KATNB1: variants seen among roughly 807,000 people sequenced by gnomAD.
KATNB1 encodes katanin regulatory subunit B1.
A neutral mutation model predicts 82.3 loss-of-function variants in KATNB1; 38 were observed. That is an observed-to-expected ratio of 0.46 (90% CI 0.36 to 0.61). The LOEUF is 0.61. Ranked by LOEUF, KATNB1 falls within the 20% of genes least tolerant of loss-of-function variation. The pLI, the probability that KATNB1 is intolerant of heterozygous loss-of-function variation, is 0.00. For missense variants in KATNB1, 749 were observed against 915.7 expected, an observed-to-expected ratio of 0.82 and a Z score of 2.35; for synonymous variants, 361 against 368.7, an observed-to-expected ratio of 0.98 and a Z score of 0.24.
chr16:57,756,212 G>T, intron 18 of KATNB1, 144 bp from the exon 19 acceptor site: 1 of 1,151,502 alleles, frequency 8.7e-7, no homozygotes, highest in Non-Finnish European at 1.3e-6. Flanking sequence ...CAGTCCGGAG[G>T]TGGGAGTGGA....
Position 57,735,798 on chromosome 16 carries a change from G to A in KATNB1, c.-324G>A, listed in dbSNP as rs1169245881. The stretch of plus-strand genomic sequence containing the variant: ...CAGCGGCCAATCAAGGCAGGGGATG[G>A]AGGCAAGTGGGGGTCGCGCCTGGAG... On this transcript the variant is annotated 5_prime_UTR_variant, in exon 1 of 20. Transcript: ENST00000379661. The A allele has an allele frequency of 6.6e-6, 1 of 152,412 alleles. No individual in the cohort carries two copies. The highest frequency in any genetic ancestry group is 1.9e-4 in the East Asian group (1 of 5,174). 9.4% of individuals were successfully genotyped at this position (152,412 alleles called of 1,614,324 possible). A position where few individuals can be genotyped will look rare whatever the true frequency, so the allele number is the denominator to read the frequency against.
rs199736007 is a variant in KATNB1, at chr16:57,741,641, C to T, written c.41-46C>T. 1.9e-6 allele frequency: 3 copies of T among 1,576,314 alleles called. No homozygotes were observed. The East Asian group carries it at 6.8e-5, about 36-fold the overall frequency. On this transcript the variant is annotated intron_variant, in intron 2 of 19. Transcript: ENST00000379661. ...CAGGGTCACCCCTCCTTCACAAGGCCCCATCGGGCCGCCCTGATGGCCTCT... is the reference window on the plus strand; with the variant it reads ...CAGGGTCACCCCTCCTTCACAAGGCTCCATCGGGCCGCCCTGATGGCCTCT...
At position 57,755,490 on chromosome 16, in the gene KATNB1, T is replaced by C. The variant is rs2148796555; in HGVS notation, c.1562T>C (p.Ile521Thr). The change falls in exon 16 of 20, where the codon ATC becomes ACC. Residue 521 changes from isoleucine to threonine, a missense_variant. By Grantham distance (89) the Ile-to-Thr change is moderately conservative (BLOSUM62 -1). This residue lies in a region of KATNB1 where 407 missense variants were observed against 434.7 expected (regional missense o/e 0.94). Coordinates refer to ENST00000379661, the MANE Select transcript of KATNB1 (RefSeq NM_005886.3). Reference sequence around the variant, plus strand: ...CGGGCTGTGTGGACCATGGGCGACATCAAGGCAAGTGCCCACCCTTGCACA... The same window carrying C: ...CGGGCTGTGTGGACCATGGGCGACACCAAGGCAAGTGCCCACCCTTGCACA... Reference protein sequence around the residue: ...TVRAVWTMGDIKTSVDSAVAI... With the variant: ...TVRAVWTMGDTKTSVDSAVAI... The C allele has an allele frequency of 6.2e-7, 1 of 1,612,410 alleles. No individual in the cohort carries two copies. Among genetic ancestry groups the C allele is most frequent in the African/African-American group, 1.3e-5 (1 of 75,052 alleles).
Position 57,751,567 on chromosome 16 carries a change from T to G in KATNB1, c.433-74T>G. 2 of 1,363,826 alleles carry G rather than the reference T, an allele frequency of 1.5e-6. No homozygotes were observed. Among genetic ancestry groups the G allele is most frequent in the South Asian group, 2.3e-5 (2 of 86,360 alleles). 84.5% of individuals were successfully genotyped at this position (1,363,826 alleles called of 1,614,324 possible). A position where few individuals can be genotyped will look rare whatever the true frequency, so the allele number is the denominator to read the frequency against. On this transcript the variant is annotated intron_variant, in intron 6 of 19. Coordinates refer to ENST00000379661, the MANE Select transcript of KATNB1 (RefSeq NM_005886.3). This position sits in a 1 kb window ranked among gnomAD's most constrained non-coding sequence, Gnocchi z 6.3. ...GTGTTGTTAGATGGAAGGGGTCCCA[T>G]AGGAGTGAGGAGGCAGGGAGAGGTC... is the stretch of plus-strand genomic sequence containing the variant.
Position 57,756,074 on chromosome 16 carries a change from T to C in KATNB1, c.1718+8T>C. 8 of 1,603,782 alleles carry C rather than the reference T, an allele frequency of 5.0e-6. No homozygotes were observed. The highest frequency in any genetic ancestry group is 6.8e-6 in the Non-Finnish European group (8 of 1,179,852). ...GCAGAGCAAGTATGAGAGGTGCGTG[T>C]GGGGAAGCCATGCCTGCCTGAAGCA... On this transcript the variant is annotated splice_region_variant and intron_variant, in intron 18 of 19. Transcript: ENST00000379661.
At chr16:57,753,611 C>T (rs1262420387) in intron 12 of KATNB1, 92 bp downstream of exon 12, 15 of 1,502,922 alleles carry the variant, frequency 1.0e-5, no homozygotes, top group African/African-American at 4.2e-5. Flanking sequence ...GGCTCCGCAT[C>T]CCTTTAACTT....
At chr16:57,755,026 G>T (rs1555585159) in intron 14 of KATNB1, 29 bp downstream of exon 14, 1 of 1,613,844 alleles carries the variant, frequency 6.2e-7, no homozygotes, top group Admixed American at 1.7e-5. Flanking sequence ...CATGGTGTGG[G>T]GCCTAGAGAA....
At chr16:57,742,943 C>T (rs1030581288) in intron 3 of KATNB1, among the ~76,000 whole-genome samples, 2 of 152,216 alleles carry the variant, frequency 1.3e-5, no homozygotes, top group Non-Finnish European at 2.9e-5. Context: ...CTGCCCCAAC[C>T]CCCATCCCTT....
chr16:57,753,868 C>A, intron 12 of KATNB1, 77 bp from the exon 13 acceptor site: 1 of 1,399,652 alleles, frequency 7.1e-7, no homozygotes, highest in East Asian at 2.3e-5. Flanking sequence ...CTCCGTCCCC[C>A]GCACTCTGGA....
intron 2 of KATNB1, among the ~76,000 whole-genome samples, chr16:57,739,962 C>A (rs2049130012): frequency 6.6e-6 from 1 of 152,136 alleles, no homozygotes; most frequent in African/African-American, 2.4e-5. Context: ...AGGGGACAGA[C>A]AGAGCCCTCC....
At chr16:57,743,975 G>A (rs1020232169) in intron 3 of KATNB1, among the ~76,000 whole-genome samples, 6 of 152,236 alleles carry the variant, frequency 3.9e-5, no homozygotes, top group Admixed American at 2.6e-4. Context: ...CCTTGGTTCC[G>A]CTGTGGCTTA....
At chr16:57,746,534 C>T (rs1391201946) in intron 4 of KATNB1, among the ~76,000 whole-genome samples, 1 of 152,232 alleles carries the variant, frequency 6.6e-6, no homozygotes, top group Non-Finnish European at 1.5e-5. Flanking sequence ...AGCGGAGAGT[C>T]TCGCCCACTG....
chr16:57,748,288 G>A (rs1597827147), intron 4 of KATNB1, among the ~76,000 whole-genome samples: 1 of 152,184 alleles, frequency 6.6e-6, no homozygotes, highest in African/African-American at 2.4e-5. Context: ...GCAGGTGACA[G>A]TGACAGACAG....
chr16:57,749,444 C>A (rs2049208203), intron 4 of KATNB1, among the ~76,000 whole-genome samples: 2 of 152,188 alleles, frequency 1.3e-5, no homozygotes, highest in African/African-American at 4.8e-5. Flanking sequence ...CAGTAGAGTT[C>A]ATTTAATTCA....
chr16:57,751,249 T>C lies in KATNB1; in HGVS notation c.391-12T>C. 6.2e-7 allele frequency: 1 copy of C among 1,613,674 alleles called. No individual in the cohort carries two copies. The highest frequency in any genetic ancestry group is 1.1e-5 in the South Asian group (1 of 91,062). ...TCCTGACTCTGCCCCTCTGCTTCTCTCTCCCCCACAGCTCTGGGACATCAG... is the reference window on the plus strand; with the variant it reads ...TCCTGACTCTGCCCCTCTGCTTCTCCCTCCCCCACAGCTCTGGGACATCAG... On this transcript the variant is annotated splice_polypyrimidine_tract_variant and intron_variant, in intron 5 of 19. Coordinates refer to ENST00000379661, the MANE Select transcript of KATNB1 (RefSeq NM_005886.3). This position sits in a 1 kb window ranked among gnomAD's most constrained non-coding sequence, Gnocchi z 6.3.
chr16:57,751,710 G>T lies in KATNB1; in HGVS notation c.502G>T (p.Asp168Tyr). 6.2e-7 allele frequency: 1 copy of T among 1,610,234 alleles called. No homozygotes were observed. Residue 168 changes from aspartate (D) to tyrosine (Y), a missense_variant, in exon 7 of 20, where the codon GAC becomes TAC. Physicochemically the swap from Asp to Tyr is radical, Grantham distance 160. Transcript: ENST00000379661. The surrounding 1 kb of genome is among the most constrained non-coding windows in gnomAD (Gnocchi z 6.3). ...DGKWLASAADDHTVKLWDLTA... is the reference protein window; with the variant it reads ...DGKWLASAADYHTVKLWDLTA... ...GAAGTGGTTGGCGTCGGCCGCAGAT[G>T]ACCACACCGTGAAGGTAGCTCCCGG...
In KATNB1 at chr16:57,755,014, A is replaced by G. The variant is rs782639367; in HGVS notation, c.1296+17A>G. ...GTGCCAAATGTATGTCCATGGAGGG[A>G]GCATGGTGTGGGGCCTAGAGAAGGT... On this transcript the variant is annotated intron_variant, in intron 14 of 19. Coordinates refer to ENST00000379661, the MANE Select transcript of KATNB1 (RefSeq NM_005886.3). 1.7e-5 allele frequency: 27 copies of G among 1,613,726 alleles called. No individual in the cohort carries two copies. Among genetic ancestry groups the G allele is most frequent in the Non-Finnish European group, 2.1e-5 (25 of 1,180,002 alleles).
Position 57,751,976 on chromosome 16 carries a change from T to C in KATNB1, c.553T>C (p.Phe185Leu), listed in dbSNP as rs1555583386. 1 of 1,613,690 alleles carries C rather than the reference T, an allele frequency of 6.2e-7. No homozygotes were observed. Among genetic ancestry groups the C allele is most frequent in the South Asian group, 1.1e-5 (1 of 91,060 alleles). ...DLTAGKMMSE[F>L]PGHTGPVNVV... Reference sequence around the variant, plus strand: ...CACTGCCGGCAAGATGATGTCTGAGTTCCCTGGTCACACGGGGCCTGTCAA... The same window carrying C: ...CACTGCCGGCAAGATGATGTCTGAGCTCCCTGGTCACACGGGGCCTGTCAA... The change falls in exon 8 of 20, where the codon TTC becomes CTC. Residue 185 changes from phenylalanine (F) to leucine (L), a missense_variant. Physicochemically the swap from Phe to Leu is conservative, Grantham distance 22. Coordinates refer to ENST00000379661, the MANE Select transcript of KATNB1 (RefSeq NM_005886.3). The surrounding 1 kb of genome is among the most constrained non-coding windows in gnomAD (Gnocchi z 6.3).
intron 3 of KATNB1, among the ~76,000 whole-genome samples, chr16:57,743,482 C>T (rs2049158185): frequency 6.6e-6 from 1 of 152,200 alleles, no homozygotes; most frequent in South Asian, 2.1e-4. Context: ...GTGTTTTCTA[C>T]CCCCATGAAA....
Sources: gnomAD v4.1 joint callset for allele counts (sites outside exome capture counted in the v4.1 genomes callset) on GRCh38, gnomAD v4.1.1 for gene constraint, gnomAD v4.1.1 regional missense constraint, Gnocchi (gnomAD v3.1) non-coding constraint, MANE v1.5 for transcripts, NCBI Gene and HGNC (gene_info 2026-07-23, HGNC 2026-07-21) for gene names.